NRDE2: variants seen among roughly 807,000 people sequenced by gnomAD.
NRDE2 encodes nuclear exosome regulator NRDE2.
A neutral mutation model predicts 124.2 loss-of-function variants in NRDE2; 76 were observed. That is an observed-to-expected ratio of 0.61 (90% CI 0.51 to 0.74). NRDE2 has a LOEUF of 0.74. NRDE2 is among the 30% of genes least tolerant of loss of function. The pLI is 0.00. For missense variants in NRDE2, 1,314 were observed against 1,417.3 expected (o/e 0.93, Z 1.17); for synonymous variants, 489 against 528.1 (o/e 0.93, Z 1.01).
chr14:90,309,676 C>G (rs1884756944), intron 4 of NRDE2, among the ~76,000 whole-genome samples: 1 of 152,098 alleles, frequency 6.6e-6, no homozygotes, highest in African/African-American at 2.4e-5. Flanking sequence ...AAAGCTGGTG[C>G]CATAGTATTG....
Position 90,291,951 on chromosome 14 carries a change from C to T in NRDE2, c.1842+746G>A, listed in dbSNP as rs1234030404. 5.3e-5 allele frequency among the ~76,000 whole-genome samples: 8 copies of T among 152,238 alleles called. No homozygotes were observed. The East Asian group carries it at 5.8e-4, about 11-fold the overall frequency. On this transcript the variant is annotated intron_variant, in intron 9 of 13. Coordinates refer to ENST00000354366, the MANE Select transcript of NRDE2 (RefSeq NM_017970.4). ...AGGGATAAACTCCTTGCCTTCAGGG[C>T]GCCTCGTTTGTAGAAAAGGTCACAG...
At chr14:90,292,563 G>A (rs1892299191) in intron 9 of NRDE2, 134 bp downstream of exon 9, 2 of 891,962 alleles carry the variant, frequency 2.2e-6, no homozygotes, top group East Asian at 2.5e-5. Context: ...AACAGGAGCA[G>A]GTTAGCATCT....
intron 1 of NRDE2, among the ~76,000 whole-genome samples, chr14:90,331,352 C>T (rs531964533): frequency 3.7e-4 from 56 of 152,338 alleles, no homozygotes; most frequent in Admixed American, 2.4e-3. Flanking sequence ...GGGTGCTGTG[C>T]CCCTCCAGAG....
chr14:90,309,653 G>C (rs1470292317), intron 4 of NRDE2, among the ~76,000 whole-genome samples: 1 of 152,112 alleles, frequency 6.6e-6, no homozygotes, highest in African/African-American at 2.4e-5. Flanking sequence ...CAATAAAGCT[G>C]TTGCTTCTCT....
At chr14:90,307,952 T>G (rs1008761099) in intron 4 of NRDE2, among the ~76,000 whole-genome samples, 6 of 152,198 alleles carry the variant, frequency 3.9e-5, no homozygotes, top group Admixed American at 6.5e-5. Flanking sequence ...CTCACTATGT[T>G]GCTCAGCCTT....
intron 1 of NRDE2, among the ~76,000 whole-genome samples, chr14:90,325,982 A>AT (rs1451449789): frequency 2.0e-5 from 3 of 152,078 alleles, no homozygotes; most frequent in Admixed American, 6.5e-5. Context: ...TTTTTATAAC[A>AT]TTTTTTATAC....
rs577751462 is a variant in NRDE2 at position 90,288,422 on chromosome 14, C to T, written c.2953G>A (p.Glu985Lys). The change falls in exon 11 of 14, where the codon GAG (glutamate) becomes AAG (lysine). Residue 985 changes from glutamate (E) to lysine (K), a missense_variant. Glu to Lys is a moderately conservative substitution (Grantham distance 56). Transcript: ENST00000354366. ...AACTTTAAAGCCTGTGAGAGTGCCTCTCGCAGAGGGGCCAGCGGGTAAACA... is the reference window on the plus strand; with the variant it reads ...AACTTTAAAGCCTGTGAGAGTGCCTTTCGCAGAGGGGCCAGCGGGTAAACA... The part of the protein sequence containing the change: ...VSVYPLAPLR[E>K]ALSQALKLYP... 6.2e-7 allele frequency: 1 copy of T among 1,614,156 alleles called. No individual in the cohort carries two copies. Among genetic ancestry groups the T allele is most frequent in the Admixed American group, 1.7e-5 (1 of 60,028 alleles).
chr14:90,293,663 T>C (rs1273795620), intron 8 of NRDE2, among the ~76,000 whole-genome samples: 2 of 152,236 alleles, frequency 1.3e-5, no homozygotes, highest in African/African-American at 4.8e-5. Context: ...TAGTTTAGAT[T>C]TTCTTAAGTC....
intron 3 of NRDE2, among the ~76,000 whole-genome samples, chr14:90,314,426 A>C (rs1460235525): frequency 1.3e-5 from 2 of 152,224 alleles, no homozygotes; most frequent in Non-Finnish European, 2.9e-5. Context: ...AATCTTAATA[A>C]GGATATTCTA....
chr14:90,321,961 C>T (rs1457718602), intron 1 of NRDE2, among the ~76,000 whole-genome samples: 1 of 152,088 alleles, frequency 6.6e-6, no homozygotes, highest in East Asian at 1.9e-4. Context: ...AGCCTGGACA[C>T]CACCTCCTCC....
intron 1 of NRDE2, among the ~76,000 whole-genome samples, chr14:90,321,047 T>C (rs1271960051): frequency 6.6e-6 from 1 of 152,124 alleles, no homozygotes; most frequent in Non-Finnish European, 1.5e-5. Flanking sequence ...AAAAATCAGA[T>C]TCTATCATGA....
intron 1 of NRDE2, among the ~76,000 whole-genome samples, chr14:90,329,986 C>T (rs969290427): frequency 6.6e-5 from 10 of 151,392 alleles, no homozygotes; most frequent in Non-Finnish European, 1.2e-4. Flanking sequence ...GTGGGCGAAT[C>T]ACTTAAAGTT....
chr14:90,281,664 G>A (rs887500601), intron 12 of NRDE2: 2 of 152,228 alleles, frequency 1.3e-5, no homozygotes, highest in African/African-American at 2.4e-5. Context: ...TCTAAAAAAC[G>A]AGGAAGCTGA....
chr14:90,296,274 T>G (rs1427010540), intron 8 of NRDE2, among the ~76,000 whole-genome samples: 2 of 152,244 alleles, frequency 1.3e-5, no homozygotes, highest in African/African-American at 4.8e-5. Context: ...CCTTTGCTTA[T>G]GCGGTCTTGC....
Position 90,304,259 on chromosome 14 carries a change from C to G in NRDE2, c.681G>C (p.Lys227Asn). 1 of 1,614,174 alleles carries G rather than the reference C, an allele frequency of 6.2e-7. No individual in the cohort carries two copies. Among genetic ancestry groups the G allele is most frequent in the Non-Finnish European group, 8.5e-7 (1 of 1,180,040 alleles). Reference protein sequence around the residue: ...RKQVERYFTKKSVGLMNIDGV... With the variant: ...RKQVERYFTKNSVGLMNIDGV... The stretch of plus-strand genomic sequence containing the variant: ...CATCGATGTTCATTAATCCCACACT[C>G]TTCTTAGTAAAATAGCGTTCAACCT... Residue 227 changes from lysine to asparagine, a missense_variant, in exon 5 of 14, where the codon AAG becomes AAC. Lys to Asn is a moderately conservative substitution (Grantham distance 94). Transcript: ENST00000354366.
intron 7 of NRDE2, among the ~76,000 whole-genome samples, chr14:90,299,140 G>A (rs1022727578): frequency 3.4e-4 from 52 of 152,046 alleles, no homozygotes; most frequent in African/African-American, 1.0e-3. Context: ...CCACCTCCCC[G>A]GGCTCAAGCA....
rs1595046216 is a variant in NRDE2 at position 90,270,178 on chromosome 14, A to C, written c.*8158T>G. On this transcript the variant is annotated 3_prime_UTR_variant, in exon 14 of 14. Transcript: ENST00000354366. ...TGGGTTTGGATGTTGGTGTGACTTC[A>C]AATCTCTTTGTACCTGCAGGCCGCA... 2 of 1,612,096 alleles carry C rather than the reference A, an allele frequency of 1.2e-6. No homozygotes were observed. Among genetic ancestry groups the C allele is most frequent in the Non-Finnish European group, 1.7e-6 (2 of 1,178,544 alleles).
intron 12 of NRDE2, among the ~76,000 whole-genome samples, 176 bp downstream of exon 12, chr14:90,286,178 T>C (rs1031953929): frequency 3.3e-5 from 5 of 152,210 alleles, no homozygotes; most frequent in African/African-American, 1.2e-4. Flanking sequence ...CTGAGAGATC[T>C]GACATTATTC....
At chr14:90,279,865 T>C (rs1054106905) in intron 12 of NRDE2, 2 of 152,208 alleles carry the variant, frequency 1.3e-5, no homozygotes, top group African/African-American at 4.8e-5. Flanking sequence ...AGGCAGGGCT[T>C]GTGGAGCTGA....
Sources: gnomAD v4.1 joint callset for allele counts (sites outside exome capture counted in the v4.1 genomes callset) on GRCh38, gnomAD v4.1.1 for gene constraint, MANE v1.5 for transcripts, NCBI Gene and HGNC (gene_info 2026-07-23, HGNC 2026-07-21) for gene names.